Variants in CSMD1 observed in about 807,000 individuals in gnomAD.
CSMD1 encodes the protein CUB and sushi domain-containing protein 1.
In CSMD1, 213 loss-of-function variants were observed where a neutral mutation model predicts 417.5. The ratio of observed to expected loss-of-function variants is 0.51; its 90% CI spans 0.46 to 0.57. CSMD1 has a LOEUF of 0.57. Ranked by LOEUF, CSMD1 falls within the 20% of genes least tolerant of loss-of-function variation. The pLI is 0.00. For synonymous variants in CSMD1, 2,862 were observed against 1,736.8 expected, an observed-to-expected ratio of 1.65 and a Z score of -16.11; for missense variants, 6,923 against 4,529.7, an observed-to-expected ratio of 1.53 and a Z score of -15.17.
chr8:4,204,745 C>G (rs1035828538), intron 3 of CSMD1, among the ~76,000 whole-genome samples: 3 of 152,150 alleles, frequency 2.0e-5, no homozygotes, highest in Admixed American at 1.3e-4. Flanking sequence ...GCCTCAACCT[C>G]CCAGCCTCAA....
In CSMD1 at chr8:4,019,344, G is replaced by A. The variant is rs188416249; in HGVS notation, c.610+12561C>T. 4.6e-5 allele frequency among the ~76,000 whole-genome samples: 7 copies of A among 152,154 alleles called. 1 individual carries two copies. The highest frequency in any genetic ancestry group is 6.5e-5 in the Admixed American group (1 of 15,282). ...GTCTCTCTCTTGCTTATCTGGGAGG[G>A]AGAGTTTTGTGTCTGTTCCCATACA... On this transcript the variant is annotated intron_variant, in intron 4 of 69. Transcript: ENST00000635120.
At chr8:3,547,715 A>C (rs1037283202) in intron 10 of CSMD1, among the ~76,000 whole-genome samples, 2 of 152,194 alleles carry the variant, frequency 1.3e-5, no homozygotes, top group Non-Finnish European at 2.9e-5. Flanking sequence ...CCTATATGAA[A>C]AACAATAGAT....
chr8:3,104,598 T>C (rs1438181255), intron 46 of CSMD1, among the ~76,000 whole-genome samples: 3 of 152,166 alleles, frequency 2.0e-5, no homozygotes, highest in Non-Finnish European at 4.4e-5. Flanking sequence ...CCAAAATGTA[T>C]GCCAATTTTT....
intron 3 of CSMD1, among the ~76,000 whole-genome samples, chr8:4,308,714 A>G (rs1418914782): frequency 6.6e-6 from 1 of 152,208 alleles, no homozygotes; most frequent in Non-Finnish European, 1.5e-5. Context: ...CATTTGCATG[A>G]TTTAGAGTAA....
chr8:3,844,751 T>C (rs1295480694), intron 5 of CSMD1, among the ~76,000 whole-genome samples: 1 of 152,196 alleles, frequency 6.6e-6, no homozygotes, highest in East Asian at 1.9e-4. Context: ...AATGAGGTCA[T>C]GTGACCTCAG....
chr8:4,094,926 T>C (rs151061658), intron 3 of CSMD1, among the ~76,000 whole-genome samples: 46 of 152,246 alleles, frequency 3.0e-4, no homozygotes, highest in African/African-American at 8.9e-4. Context: ...GGGGAAGTCA[T>C]TGAAGGTTTT....
At chr8:3,638,494 A>G (rs1797150908) in intron 7 of CSMD1, among the ~76,000 whole-genome samples, 1 of 152,292 alleles carries the variant, frequency 6.6e-6, no homozygotes, top group Admixed American at 6.5e-5. Flanking sequence ...CGTGATGATA[A>G]TGATGACAAG....
intron 20 of CSMD1, among the ~76,000 whole-genome samples, chr8:3,359,692 T>C (rs1187640449): frequency 6.6e-5 from 10 of 152,042 alleles, no homozygotes; most frequent in Non-Finnish European, 1.5e-4. Flanking sequence ...CAGAGTAAGG[T>C]GACTATAGTG....
chr8:3,410,706 T>C (rs12546535), intron 12 of CSMD1, among the ~76,000 whole-genome samples: 14,713 of 152,220 alleles, frequency 0.097, 890 homozygotes, highest in East Asian at 0.26. Context: ...AACAGACTAA[T>C]ACAGGGGTTA....
At chr8:3,359,429 A>T in intron 20 of CSMD1, 89 bp from the exon 21 acceptor site, 1 of 744,594 alleles carries the variant, frequency 1.3e-6, no homozygotes, top group Non-Finnish European at 2.0e-6. Flanking sequence ...CTATTACTAA[A>T]AAAAAAAAAA....
At chr8:3,254,323 T>G (rs955628417) in intron 26 of CSMD1, among the ~76,000 whole-genome samples, 3 of 152,118 alleles carry the variant, frequency 2.0e-5, no homozygotes, top group Non-Finnish European at 2.9e-5. Flanking sequence ...TCCTTCATTT[T>G]AACTTTGGTG....
chr8:3,216,399 C>T (rs1286186341), intron 29 of CSMD1, among the ~76,000 whole-genome samples: 3 of 152,028 alleles, frequency 2.0e-5, no homozygotes, highest in Non-Finnish European at 4.4e-5. Flanking sequence ...CAATATTTTC[C>T]CCTATTGAAA....
intron 3 of CSMD1, among the ~76,000 whole-genome samples, chr8:4,157,006 G>A (rs558420538): frequency 6.6e-6 from 1 of 152,134 alleles, no homozygotes; most frequent in Non-Finnish European, 1.5e-5. Context: ...ATTAAGTAGG[G>A]GTGGTGGCCA....
intron 25 of CSMD1, among the ~76,000 whole-genome samples, chr8:3,303,772 C>G (rs570947290): frequency 3.3e-5 from 5 of 152,294 alleles, no homozygotes; most frequent in African/African-American, 1.2e-4. Context: ...TGCTGGATCT[C>G]TTAGAGAAAT....
rs1191532617 is a variant in CSMD1 at position 3,479,735 on chromosome 8, G to C, written c.1449-10911C>G. Among the ~76,000 whole-genome samples, 2 of 151,934 alleles carry C rather than the reference G, an allele frequency of 1.3e-5. 1 individual carries two copies. The highest frequency in any genetic ancestry group is 4.2e-4 in the South Asian group (2 of 4,796). On this transcript the variant is annotated intron_variant, in intron 11 of 69. Transcript: ENST00000635120. ...ACACAATCATCACACCAAGAGCCAA[G>C]GAAATCACGGCTTGAATGATGAAAG...
intron 65 of CSMD1, among the ~76,000 whole-genome samples, chr8:2,952,513 A>G (rs977556075): frequency 4.6e-5 from 7 of 152,178 alleles, no homozygotes; most frequent in African/African-American, 1.4e-4. Flanking sequence ...TAATAAAATA[A>G]GTAAAAAACT....
chr8:4,653,600 T>C lies in CSMD1; in HGVS notation c.86-16042A>G, dbSNP rs552398511. On this transcript the variant is annotated intron_variant, in intron 1 of 69. Coordinates refer to ENST00000635120, the MANE Select transcript of CSMD1 (RefSeq NM_033225.6). ...TGATTTATGACATGCATTAAAATAGTCCCAGATAACCACCAGTGACAGAGA... is the reference window on the plus strand; with the variant it reads ...TGATTTATGACATGCATTAAAATAGCCCCAGATAACCACCAGTGACAGAGA... Among the ~76,000 whole-genome samples the C allele has an allele frequency of 4.6e-5, 7 of 152,198 alleles. No homozygotes were observed. In the South Asian group the frequency reaches 1.5e-3, roughly 32 times the overall value.
intron 2 of CSMD1, among the ~76,000 whole-genome samples, chr8:4,605,008 A>G (rs1194271144): frequency 2.0e-5 from 3 of 152,206 alleles, no homozygotes; most frequent in Non-Finnish European, 4.4e-5. Context: ...TGTCCAGAAC[A>G]TTAAAGCAAC....
At position 4,121,227 on chromosome 8, in the gene CSMD1, G is replaced by A. The variant is rs147882892; in HGVS notation, c.416-89128C>T. On this transcript the variant is annotated intron_variant, in intron 3 of 69. Coordinates refer to ENST00000635120, the MANE Select transcript of CSMD1 (RefSeq NM_033225.6). The stretch of plus-strand genomic sequence containing the variant: ...CCTCTCGGGTTCAAGCAATTCTCCT[G>A]CCTCAGCCTCCCAGCTATCTGGGAT... Among the ~76,000 whole-genome samples the A allele has an allele frequency of 3.5e-3, 526 of 152,114 alleles. 4 individuals are homozygous for A. The highest frequency in any genetic ancestry group is 0.012 in the African/African-American group (502 of 41,486).
Sources: allele counts gnomAD v4.1 joint callset (sites outside exome capture counted in the v4.1 genomes callset), GRCh38; gene constraint gnomAD v4.1.1; transcripts MANE v1.5; gene names NCBI Gene and HGNC (gene_info 2026-07-23, HGNC 2026-07-21).